SGCD: variants seen among roughly 807,000 people sequenced by gnomAD.
SGCD encodes the protein sarcoglycan delta.
SGCD carries 18 observed loss-of-function variants against 36.6 expected under a neutral mutation model. That is an observed-to-expected ratio of 0.49 (90% CI 0.34 to 0.73). The LOEUF is 0.73. Ranked by LOEUF, SGCD falls within the 30% of genes least tolerant of loss-of-function variation. The pLI is 0.01. For synonymous variants in SGCD, 133 were observed against 130.6 expected (o/e 1.02, Z -0.12); for missense variants, 387 against 346.7 (o/e 1.12, Z -0.92).
chr5:156,469,496 ATATT>A (rs1478964887), intron 3 of SGCD, among the ~76,000 whole-genome samples: 1 of 152,224 alleles, frequency 6.6e-6, no homozygotes, highest in African/African-American at 2.4e-5. Context: ...ACAGATTTTT[ATATT>A]TATTTAAAGG....
At chr5:156,489,619 G>A (rs1755849811) in intron 3 of SGCD, among the ~76,000 whole-genome samples, 1 of 152,006 alleles carries the variant, frequency 6.6e-6, no homozygotes, top group Non-Finnish European at 1.5e-5. Context: ...CATGCTTCTG[G>A]ATGATCATTA....
chr5:156,074,035 C>G (rs571586798), intron 1 of SGCD, among the ~76,000 whole-genome samples: 29 of 152,210 alleles, frequency 1.9e-4, no homozygotes, highest in Admixed American at 1.4e-3. Flanking sequence ...TACCTAGAGC[C>G]CGAGCTAGGA....
At chr5:155,990,094 T>C (rs1758402640) in intron 1 of SGCD, among the ~76,000 whole-genome samples, 7 of 152,206 alleles carry the variant, frequency 4.6e-5, no homozygotes, top group Admixed American at 4.6e-4. Flanking sequence ...AGACAACTGC[T>C]GTCAGAGCCA....
At chr5:155,811,318 T>A in the SGCD span, among the ~76,000 whole-genome samples, 1 of 152,162 alleles carries the variant, frequency 6.6e-6, no homozygotes, top group East Asian at 1.9e-4. Context: ...TTGTGGGCTT[T>A]TGAAACTAGC....
intron 7 of SGCD, among the ~76,000 whole-genome samples, chr5:156,676,525 C>T (rs749602736): frequency 6.6e-6 from 1 of 152,066 alleles, no homozygotes; most frequent in African/African-American, 2.4e-5. Flanking sequence ...CTTTCTGGGG[C>T]GGCTCTTGAA....
At chr5:156,075,807 G>A (rs1461657009) in intron 1 of SGCD, among the ~76,000 whole-genome samples, 1 of 152,136 alleles carries the variant, frequency 6.6e-6, no homozygotes, top group Non-Finnish European at 1.5e-5. Context: ...CCCATAACTG[G>A]CAAGAGTACA....
At chr5:156,509,765 G>C (rs1756854415) in intron 4 of SGCD, among the ~76,000 whole-genome samples, 1 of 152,030 alleles carries the variant, frequency 6.6e-6, no homozygotes, top group South Asian at 2.1e-4. Context: ...CCTTGCCTTT[G>C]TTAACCACTG....
At chr5:156,192,583 G>A (rs903735134) in intron 3 of SGCD, among the ~76,000 whole-genome samples, 21 of 152,008 alleles carry the variant, frequency 1.4e-4, no homozygotes, top group East Asian at 5.8e-4. Context: ...AGTTAACAGC[G>A]TATTATGTAT....
chr5:155,803,983 T>C, the SGCD span, among the ~76,000 whole-genome samples: 2 of 152,174 alleles, frequency 1.3e-5, no homozygotes, highest in Non-Finnish European at 2.9e-5. Flanking sequence ...ATAGAAAGGA[T>C]TATCTCAAAA....
chr5:156,003,257 C>G (rs1373577613), intron 1 of SGCD, among the ~76,000 whole-genome samples: 2 of 152,192 alleles, frequency 1.3e-5, no homozygotes, highest in Admixed American at 6.5e-5. Context: ...CCTCTAAACT[C>G]TATAAGGGCT....
intron 3 of SGCD, among the ~76,000 whole-genome samples, chr5:156,142,972 TG>T (rs754061514): frequency 6.6e-6 from 1 of 152,036 alleles, no homozygotes; most frequent in Non-Finnish European, 1.5e-5. Context: ...GCCAAGACAA[TG>T]GGGAAACGGA....
At chr5:156,292,824 T>C (rs960172094) in intron 3 of SGCD, among the ~76,000 whole-genome samples, 3 of 152,152 alleles carry the variant, frequency 2.0e-5, no homozygotes, top group African/African-American at 7.2e-5. Flanking sequence ...CTTATTGTAG[T>C]TATACTTTTC....
chr5:156,186,081 C>CG (rs1554082645), intron 3 of SGCD, among the ~76,000 whole-genome samples: 3 of 140,978 alleles, frequency 2.1e-5, no homozygotes, highest in African/African-American at 7.8e-5. Context: ...ACTTTCCTGG[C>CG]AAAAAAAAAA....
At chr5:155,799,191 C>G in the SGCD span, among the ~76,000 whole-genome samples, 1 of 152,040 alleles carries the variant, frequency 6.6e-6, no homozygotes, top group South Asian at 2.1e-4. Context: ...CATTTTTATA[C>G]AAAGAGGATT....
At chr5:156,677,551 AG>A (rs1753562385) in intron 7 of SGCD, among the ~76,000 whole-genome samples, 1 of 148,656 alleles carries the variant, frequency 6.7e-6, no homozygotes, top group South Asian at 2.2e-4. Context: ...GGGTTGGGGG[AG>A]GGGGAGGGAT....
At chr5:155,840,146 T>C in the SGCD span, among the ~76,000 whole-genome samples, 1 of 152,136 alleles carries the variant, frequency 6.6e-6, no homozygotes, top group Non-Finnish European at 1.5e-5. Flanking sequence ...ATGTATTTTG[T>C]TGTTGAAATT....
chr5:156,071,553 A>G (rs376523395), intron 1 of SGCD, among the ~76,000 whole-genome samples: 4 of 152,146 alleles, frequency 2.6e-5, no homozygotes, highest in East Asian at 1.9e-4. Context: ...ACTTCCAACT[A>G]TGTGGTCAGT....
intron 3 of SGCD, among the ~76,000 whole-genome samples, chr5:156,273,831 T>C (rs1766246073): frequency 6.6e-6 from 1 of 152,196 alleles, no homozygotes; most frequent in East Asian, 1.9e-4. Flanking sequence ...GTAGCTAAAA[T>C]TGGTAGCTTG....
chr5:156,558,451 T>C (rs2113231042), intron 4 of SGCD, among the ~76,000 whole-genome samples: 1 of 152,250 alleles, frequency 6.6e-6, no homozygotes, highest in African/African-American at 2.4e-5. Context: ...GCTGTTAGTT[T>C]TGCCACACTC....
Sources: gnomAD v4.1 joint callset for allele counts (sites outside exome capture counted in the v4.1 genomes callset) on GRCh38, gnomAD v4.1.1 for gene constraint, MANE v1.5 for transcripts, NCBI Gene and HGNC (gene_info 2026-07-23, HGNC 2026-07-21) for gene names.